The following PTPRD variants were observed in gnomAD, a reference collection of about 807,000 sequenced individuals.
PTPRD encodes protein tyrosine phosphatase receptor type D.
In PTPRD, 34 loss-of-function variants were observed where a neutral mutation model predicts 214.5. The observed-to-expected ratio is 0.16, with a 90% CI of 0.12 to 0.21. PTPRD has a LOEUF of 0.21. Ranked by LOEUF, PTPRD falls within the 10% of genes least tolerant of loss-of-function variation. PTPRD has a pLI of 1.00. For missense variants in PTPRD, 2,545 were observed against 2,398.7 expected, an observed-to-expected ratio of 1.06 and a Z score of -1.27; for synonymous variants, 1,128 against 845.7, an observed-to-expected ratio of 1.33 and a Z score of -5.79.
At chr9:9,624,720 A>G (rs574780053) in intron 7 of PTPRD, among the ~76,000 whole-genome samples, 1 of 152,274 alleles carries the variant, frequency 6.6e-6, no homozygotes, top group African/African-American at 2.4e-5. Flanking sequence ...GATCGATTTA[A>G]TATTATCAAA....
chr9:9,698,586 T>C (rs564657078), intron 7 of PTPRD, among the ~76,000 whole-genome samples: 42 of 152,236 alleles, frequency 2.8e-4, no homozygotes, highest in African/African-American at 9.1e-4. Flanking sequence ...AGTTTTCTGG[T>C]CTGGTAATGG....
chr9:10,297,238 G>A (rs185658745), intron 3 of PTPRD, among the ~76,000 whole-genome samples: 110 of 151,310 alleles, frequency 7.3e-4, no homozygotes, highest in Middle Eastern at 6.9e-3. Context: ...TGAGAAAACT[G>A]AATTTTATTT....
At chr9:9,620,275 C>T (rs73641340) in intron 7 of PTPRD, among the ~76,000 whole-genome samples, 3,051 of 152,260 alleles carry the variant, frequency 0.02, 89 homozygotes, top group African/African-American at 0.069. Flanking sequence ...CCGATACCTA[C>T]ATTTATCTAG....
chr9:8,714,594 C>G (rs1022062530), intron 12 of PTPRD, among the ~76,000 whole-genome samples: 2 of 152,156 alleles, frequency 1.3e-5, no homozygotes, highest in Admixed American at 6.5e-5. Flanking sequence ...CTTGCTATTC[C>G]TAGAACCTGC....
At chr9:8,453,446 G>A (rs1324679494) in intron 33 of PTPRD, among the ~76,000 whole-genome samples, 1 of 152,134 alleles carries the variant, frequency 6.6e-6, no homozygotes, top group African/African-American at 2.4e-5. Flanking sequence ...TTACAGGCGT[G>A]AGCCACCATG....
intron 14 of PTPRD, among the ~76,000 whole-genome samples, chr9:8,570,903 T>G (rs2090939929): frequency 6.6e-6 from 1 of 151,750 alleles, no homozygotes. Context: ...TCAAGCTGAA[T>G]GGGCTGAGAG....
intron 3 of PTPRD, among the ~76,000 whole-genome samples, chr9:10,337,285 A>G (rs1471717548): frequency 6.6e-6 from 1 of 151,668 alleles, no homozygotes; most frequent in African/African-American, 2.4e-5. Context: ...TCCAAATAAA[A>G]TGTTAAAGGG....
chr9:8,618,395 CA>C (rs768616235), intron 14 of PTPRD, among the ~76,000 whole-genome samples: 3 of 152,024 alleles, frequency 2.0e-5, no homozygotes, highest in Admixed American at 6.6e-5. Flanking sequence ...TCAAAAAGAA[CA>C]AACAAAACTC....
In PTPRD at chr9:10,364,048, G is replaced by A. The variant is rs186571361; in HGVS notation, c.-599-23031C>T. On this transcript the variant is annotated intron_variant, in intron 2 of 45. Transcript: ENST00000381196. Reference sequence around the variant, plus strand: ...GGAGTCTTGCTCTGTTGCCCAGGCTGGAGTGCAGTGACGTGATCTCGGCTC... The same window carrying A: ...GGAGTCTTGCTCTGTTGCCCAGGCTAGAGTGCAGTGACGTGATCTCGGCTC... Among the ~76,000 whole-genome samples, 269 of 120,830 alleles carry A rather than the reference G, an allele frequency of 2.2e-3. 2 individuals are homozygous for A. The highest frequency in any genetic ancestry group is 8.6e-3 in the African/African-American group (262 of 30,546). 79.3% of individuals were successfully genotyped at this position (120,830 alleles called of 152,430 possible). A position where few individuals can be genotyped will look rare whatever the true frequency, so the allele number is the denominator to read the frequency against.
At chr9:9,487,021 A>C (rs2095666383) in intron 8 of PTPRD, among the ~76,000 whole-genome samples, 4 of 152,128 alleles carry the variant, frequency 2.6e-5, no homozygotes, top group African/African-American at 7.2e-5. Context: ...TATAGTTTTA[A>C]TAATAAAATA....
At chr9:9,748,673 T>C (rs1315587351) in intron 6 of PTPRD, among the ~76,000 whole-genome samples, 2 of 152,156 alleles carry the variant, frequency 1.3e-5, no homozygotes, top group African/African-American at 2.4e-5. Context: ...TCAGAGCAGT[T>C]AGCTGTCTGG....
At chr9:10,093,494 T>C (rs2098453035) in intron 3 of PTPRD, among the ~76,000 whole-genome samples, 1 of 151,514 alleles carries the variant, frequency 6.6e-6, no homozygotes, top group South Asian at 2.1e-4. Context: ...TATACTCTGT[T>C]GGTGGGAATC....
At chr9:10,592,495 G>C (rs1166536736) in intron 2 of PTPRD, among the ~76,000 whole-genome samples, 1 of 151,978 alleles carries the variant, frequency 6.6e-6, no homozygotes, top group Admixed American at 6.6e-5. Context: ...TGGGACCCCA[G>C]CTACAGGTAA....
chr9:9,514,094 A>G (rs2096777251), intron 8 of PTPRD, among the ~76,000 whole-genome samples: 1 of 152,014 alleles, frequency 6.6e-6, no homozygotes, highest in Admixed American at 6.6e-5. Context: ...TTGTGCTTTG[A>G]ACATTGTGAA....
At chr9:10,363,968 T>C (rs2097449249) in intron 2 of PTPRD, among the ~76,000 whole-genome samples, 1 of 149,620 alleles carries the variant, frequency 6.7e-6, no homozygotes, top group Non-Finnish European at 1.5e-5. Context: ...TATGTACTAT[T>C]ATTATTGCCT....
intron 3 of PTPRD, among the ~76,000 whole-genome samples, chr9:10,057,863 A>AG (rs1193395518): frequency 8.9e-6 from 1 of 112,502 alleles, no homozygotes; most frequent in Non-Finnish European, 1.9e-5. Flanking sequence ...AAAAAAAAAC[A>AG]AAAAAAAAGT....
chr9:9,331,321 T>A (rs1342567677), intron 9 of PTPRD, among the ~76,000 whole-genome samples: 1 of 152,130 alleles, frequency 6.6e-6, no homozygotes, highest in African/African-American at 2.4e-5. Flanking sequence ...ACTAAGTTTT[T>A]AAAATGTTTT....
At chr9:10,124,426 T>C (rs1400161318) in intron 3 of PTPRD, among the ~76,000 whole-genome samples, 1 of 152,154 alleles carries the variant, frequency 6.6e-6, no homozygotes, top group Non-Finnish European at 1.5e-5. Flanking sequence ...CAACACACCA[T>C]GCGTATTCAC....
At chr9:8,476,424 C>T (rs2135338331) in intron 30 of PTPRD, among the ~76,000 whole-genome samples, 1 of 152,198 alleles carries the variant, frequency 6.6e-6, no homozygotes, top group Admixed American at 6.5e-5. Context: ...GAATTGGCAC[C>T]CATTCATGGC....
Sources: allele counts gnomAD v4.1 joint callset (sites outside exome capture counted in the v4.1 genomes callset), GRCh38; gene constraint gnomAD v4.1.1; transcripts MANE v1.5; gene names NCBI Gene and HGNC (gene_info 2026-07-23, HGNC 2026-07-21).